Variants in SLC7A14 observed in about 807,000 individuals in gnomAD.
The protein encoded by SLC7A14 is gamma-aminobutyric acid transporter SLC7A14.
SLC7A14 carries 37 observed loss-of-function variants against 60.2 expected under a neutral mutation model. That is an observed-to-expected ratio of 0.61 (90% CI 0.47 to 0.81). The LOEUF is 0.81. Among genes scored for constraint, SLC7A14 ranks in the 30% least tolerant of loss-of-function variants. The pLI is 0.00. For synonymous variants in SLC7A14, 399 were observed against 395.8 expected, an observed-to-expected ratio of 1.01 and a Z score of -0.10; for missense variants, 886 against 982.7, an observed-to-expected ratio of 0.90 and a Z score of 1.32.
At chr3:170,497,605 T>C (rs1210542293) in intron 4 of SLC7A14, among the ~76,000 whole-genome samples, 3 of 152,202 alleles carry the variant, frequency 2.0e-5, no homozygotes, top group Non-Finnish European at 2.9e-5. Context: ...CCTTAGGTTG[T>C]TCATCTGTTA....
intron 4 of SLC7A14, among the ~76,000 whole-genome samples, 174 bp from the exon 5 acceptor site, chr3:170,486,542 G>T (rs1037771014): frequency 6.6e-6 from 1 of 152,154 alleles, no homozygotes; most frequent in Non-Finnish European, 1.5e-5. Context: ...TTCTAGCTGT[G>T]TGGCTGTGGG....
At position 170,525,769 on chromosome 3, in the gene SLC7A14, A is replaced by G. The variant is rs1298126565; in HGVS notation, c.304+864T>C. ...CCAGAATAATTCTCTGTATTGAAAA[A>G]ATAGGCCGGGAGCGGAGGTTCACGC... On this transcript the variant is annotated intron_variant, in intron 2 of 7. Coordinates refer to ENST00000231706, the MANE Select transcript of SLC7A14 (RefSeq NM_020949.3). Among the ~76,000 whole-genome samples the G allele has an allele frequency of 1.3e-5, 2 of 152,206 alleles. 1 individual carries two copies. Among genetic ancestry groups the G allele is most frequent in the Admixed American group, 1.3e-4 (2 of 15,280 alleles).
chr3:170,500,486 A>G (rs1401269095), intron 3 of SLC7A14, among the ~76,000 whole-genome samples: 2 of 147,530 alleles, frequency 1.4e-5, no homozygotes, highest in Admixed American at 6.8e-5. Context: ...CAAATGATGG[A>G]TGGAGCCTGA....
intron 2 of SLC7A14, among the ~76,000 whole-genome samples, chr3:170,514,777 A>C (rs1367601264): frequency 6.6e-6 from 1 of 152,186 alleles, no homozygotes; most frequent in African/African-American, 2.4e-5. Context: ...TGCACTAAGA[A>C]CCTAGTCTTG....
intron 2 of SLC7A14, among the ~76,000 whole-genome samples, chr3:170,505,677 A>G (rs921853489): frequency 1.3e-5 from 2 of 152,110 alleles, no homozygotes; most frequent in African/African-American, 4.8e-5. Flanking sequence ...CCTGAGGTCA[A>G]GAGTTTGAGA....
chr3:170,504,683 A>T (rs1712718411), intron 2 of SLC7A14, among the ~76,000 whole-genome samples: 1 of 152,000 alleles, frequency 6.6e-6, no homozygotes, highest in South Asian at 2.1e-4. Context: ...GGGGCAAGTT[A>T]CCCTCTTATG....
At chr3:170,522,622 C>T (rs975686795) in intron 2 of SLC7A14, among the ~76,000 whole-genome samples, 3 of 152,120 alleles carry the variant, frequency 2.0e-5, no homozygotes, top group African/African-American at 7.2e-5. Context: ...TTAGTGGTTG[C>T]CAGGGGCTGG....
intron 1 of SLC7A14, among the ~76,000 whole-genome samples, chr3:170,547,410 C>A (rs998880293): frequency 6.6e-6 from 1 of 152,158 alleles, no homozygotes; most frequent in African/African-American, 2.4e-5. Flanking sequence ...TACTAATAGC[C>A]TACTGTTGAC....
In SLC7A14 at chr3:170,512,654, ATTTTTTTTTTTTTTT is replaced by A. The variant is rs71176570; in HGVS notation, c.305-11324_305-11310del. On this transcript the variant is annotated intron_variant, in intron 2 of 7. Coordinates refer to ENST00000231706, the MANE Select transcript of SLC7A14 (RefSeq NM_020949.3). Reference sequence around the variant, plus strand: ...TATAGGGCACATGTGTACAATTTGCATTTTTTTTTTTTTTTTTTTTTTTTTTTGAGACGGAGTCTC... The same window carrying A: ...TATAGGGCACATGTGTACAATTTGCATTTTTTTTTTTTGAGACGGAGTCTC... Among the ~76,000 whole-genome samples, 56 of 63,172 alleles carry A rather than the reference ATTTTTTTTTTTTTTT, an allele frequency of 8.9e-4. 1 individual carries two copies. Among genetic ancestry groups the A allele is most frequent in the South Asian group, 6.7e-3 (7 of 1,042 alleles). 41.4% of individuals were successfully genotyped at this position (63,172 alleles called of 152,430 possible).
intron 1 of SLC7A14, among the ~76,000 whole-genome samples, chr3:170,531,478 A>G (rs995789659): frequency 3.3e-5 from 5 of 152,048 alleles, no homozygotes; most frequent in African/African-American, 1.2e-4. Flanking sequence ...TGGAGAATCA[A>G]CCAAAAGCAA....
chr3:170,506,458 G>A (rs1712783708), intron 2 of SLC7A14, among the ~76,000 whole-genome samples: 1 of 152,152 alleles, frequency 6.6e-6, no homozygotes, highest in South Asian at 2.1e-4. Flanking sequence ...CAAGGTACCG[G>A]GAGATTCTCG....
chr3:170,490,511 A>T lies in SLC7A14; in HGVS notation c.760-4143T>A, dbSNP rs148318616. On this transcript the variant is annotated intron_variant, in intron 4 of 7. Coordinates refer to ENST00000231706, the MANE Select transcript of SLC7A14 (RefSeq NM_020949.3). The stretch of plus-strand genomic sequence containing the variant: ...GAAAAAGGTGAGAGGTTTGTGAACC[A>T]TGCCACGTAAGGAAGAACTGGGGAC... Among the ~76,000 whole-genome samples, 390 of 152,352 alleles carry T rather than the reference A, an allele frequency of 2.6e-3. 4 individuals carry two copies. The highest frequency in any genetic ancestry group is 4.9e-3 in the Non-Finnish European group (330 of 68,024).
intron 1 of SLC7A14, among the ~76,000 whole-genome samples, chr3:170,582,106 T>C (rs1424760707): frequency 6.6e-6 from 1 of 152,204 alleles, no homozygotes; most frequent in African/African-American, 2.4e-5. Context: ...ACCAGCTCCT[T>C]AAGTAAGACA....
chr3:170,504,474 C>G (rs1475325340), intron 2 of SLC7A14, among the ~76,000 whole-genome samples: 1 of 152,074 alleles, frequency 6.6e-6, no homozygotes, highest in African/African-American at 2.4e-5. Context: ...GCATGCACCA[C>G]TATGCCTGGC....
intron 1 of SLC7A14, among the ~76,000 whole-genome samples, chr3:170,565,157 G>A (rs1408910571): frequency 6.6e-6 from 1 of 152,122 alleles, no homozygotes; most frequent in Non-Finnish European, 1.5e-5. Flanking sequence ...AGACATACAA[G>A]CAGGAAGTAG....
Position 170,463,835 on chromosome 3 carries a change from G to A in SLC7A14, c.*3220C>T, listed in dbSNP as rs977657804. ...TTCTGTCAATCATCAGGTATTTCTTGAATACACACTATATGCCAGGCACAT... is the reference window on the plus strand; with the variant it reads ...TTCTGTCAATCATCAGGTATTTCTTAAATACACACTATATGCCAGGCACAT... On this transcript the variant is annotated 3_prime_UTR_variant, in exon 8 of 8. Transcript: ENST00000231706. The A allele has an allele frequency of 6.6e-6, 1 of 152,132 alleles. No individual in the cohort carries two copies. Among genetic ancestry groups the A allele is most frequent in the Non-Finnish European group, 1.5e-5 (1 of 68,034 alleles). The allele number at this position is 152,132 out of a possible 1,614,324, so 9.4% of individuals were successfully genotyped here.
rs1739628201 is a variant in SLC7A14 at position 170,462,506 on chromosome 3, C to G, written c.*4549G>C. On this transcript the variant is annotated 3_prime_UTR_variant, in exon 8 of 8. Transcript: ENST00000231706. Reference sequence around the variant, plus strand: ...GGATGGATTGTTAAATTCAACAACTCCCTTCCGCCCGCCATTTATTTAAAC... The same window carrying G: ...GGATGGATTGTTAAATTCAACAACTGCCTTCCGCCCGCCATTTATTTAAAC... 6.6e-6 allele frequency: 1 copy of G among 152,174 alleles called. No homozygotes were observed. Among genetic ancestry groups the G allele is most frequent in the Non-Finnish European group, 1.5e-5 (1 of 68,032 alleles). The allele number at this position is 152,174 out of a possible 1,614,324, so 9.4% of individuals were successfully genotyped here.
chr3:170,471,090 GGTGTGTGT>G (rs113891859), intron 7 of SLC7A14, among the ~76,000 whole-genome samples: 14 of 146,452 alleles, frequency 9.6e-5, no homozygotes, highest in South Asian at 2.2e-4. Context: ...TCTGGGAAGG[GGTGTGTGT>G]GTGTGTGTGT....
At chr3:170,513,532 A>G (rs1577527882) in intron 2 of SLC7A14, among the ~76,000 whole-genome samples, 3 of 152,272 alleles carry the variant, frequency 2.0e-5, no homozygotes, top group Non-Finnish European at 4.4e-5. Context: ...GTAAATGTAT[A>G]CATTATATAT....
Sources: gnomAD v4.1 joint callset for allele counts (sites outside exome capture counted in the v4.1 genomes callset) on GRCh38, gnomAD v4.1.1 for gene constraint, MANE v1.5 for transcripts, NCBI Gene and HGNC (gene_info 2026-07-23, HGNC 2026-07-21) for gene names.